The following SAMD12 variants were observed in gnomAD, a reference collection of about 807,000 sequenced individuals.
The protein encoded by SAMD12 is sterile alpha motif domain containing 12, also known as sterile alpha motif domain-containing protein 12.
In SAMD12, 9 loss-of-function variants were observed where a neutral mutation model predicts 15.0. That is an observed-to-expected ratio of 0.60 (90% CI 0.36 to 1.05). The LOEUF (loss-of-function observed/expected upper bound fraction) is 1.05. Ranked by LOEUF, SAMD12 falls within the 50% of genes least tolerant of loss-of-function variation. The probability of loss-of-function intolerance (pLI) is 0.01; values close to 1 mark genes in which losing one functional copy is unlikely to be tolerated. For missense variants in SAMD12, 230 were observed against 234.2 expected (o/e 0.98, Z 0.12); for synonymous variants, 86 against 90.1 (o/e 0.96, Z 0.25).
chr8:118,481,897 C>T (rs531880679), intron 2 of SAMD12, among the ~76,000 whole-genome samples: 19 of 152,322 alleles, frequency 1.2e-4, no homozygotes, highest in African/African-American at 4.6e-4. Context: ...CACAGAAGCA[C>T]TTACTCTGAG....
At chr8:118,384,840 A>G (rs961497344) in intron 3 of SAMD12, among the ~76,000 whole-genome samples, 7 of 152,156 alleles carry the variant, frequency 4.6e-5, no homozygotes, top group Non-Finnish European at 8.8e-5. Flanking sequence ...GGGTAAGGTA[A>G]GCATAGGCAT....
At chr8:118,366,959 T>C (rs1818836192) in intron 4 of SAMD12, among the ~76,000 whole-genome samples, 1 of 150,558 alleles carries the variant, frequency 6.6e-6, no homozygotes, top group African/African-American at 2.4e-5. Flanking sequence ...ATGGAAGTAT[T>C]ATTTCAGAGA....
At chr8:118,142,064 T>C in the SAMD12 span, among the ~76,000 whole-genome samples, 2 of 152,184 alleles carry the variant, frequency 1.3e-5, no homozygotes, top group Admixed American at 6.6e-5. Context: ...AACTAGAGAT[T>C]CTCACTACAT....
chr8:118,283,363 A>G (rs548145401), intron 4 of SAMD12, among the ~76,000 whole-genome samples: 3 of 152,334 alleles, frequency 2.0e-5, no homozygotes, highest in African/African-American at 7.2e-5. Flanking sequence ...TGCATGAGAT[A>G]TAAAACCCAA....
intron 2 of SAMD12, among the ~76,000 whole-genome samples, chr8:118,476,827 T>A (rs532776630): frequency 6.6e-6 from 1 of 152,170 alleles, no homozygotes; most frequent in Non-Finnish European, 1.5e-5. Context: ...ACCTTAATGC[T>A]CAGAAAACGG....
chr8:118,341,937 T>C (rs1162074781), intron 4 of SAMD12, among the ~76,000 whole-genome samples: 2 of 152,256 alleles, frequency 1.3e-5, no homozygotes, highest in African/African-American at 2.4e-5. Flanking sequence ...TTCACAGAAA[T>C]GGCCCATGCC....
intron 2 of SAMD12, among the ~76,000 whole-genome samples, chr8:118,519,907 A>T (rs1825344048): frequency 6.6e-6 from 1 of 152,240 alleles, no homozygotes; most frequent in South Asian, 2.1e-4. Context: ...AAGCTATAAG[A>T]GTACCTTTAA....
At chr8:118,301,604 CA>C (rs1815028407) in intron 4 of SAMD12, among the ~76,000 whole-genome samples, 1 of 152,216 alleles carries the variant, frequency 6.6e-6, no homozygotes, top group Admixed American at 6.5e-5. Context: ...TAAATGTATG[CA>C]TAGGCAAACT....
intron 1 of SAMD12, among the ~76,000 whole-genome samples, chr8:118,602,126 C>T (rs1827877793): frequency 6.6e-6 from 1 of 152,150 alleles, no homozygotes; most frequent in Non-Finnish European, 1.5e-5. Flanking sequence ...TACCTCCTAA[C>T]TGCCAAATAG....
intron 3 of SAMD12, among the ~76,000 whole-genome samples, chr8:118,431,300 T>C (rs558029702): frequency 5.3e-5 from 8 of 152,290 alleles, no homozygotes; most frequent in African/African-American, 1.9e-4. Flanking sequence ...AAAAAAGGAA[T>C]TTATTTTACC....
intron 2 of SAMD12, among the ~76,000 whole-genome samples, chr8:118,531,957 A>G (rs886453536): frequency 6.6e-6 from 1 of 152,130 alleles, no homozygotes; most frequent in Non-Finnish European, 1.5e-5. Context: ...AGAACTTCCA[A>G]CACTATGTTG....
chr8:118,140,096 C>T, the SAMD12 span, among the ~76,000 whole-genome samples: 1 of 152,182 alleles, frequency 6.6e-6, no homozygotes, highest in South Asian at 2.1e-4. Context: ...AGAATGGTCC[C>T]TCCCTTATTC....
chr8:118,606,648 T>C (rs996205849), intron 1 of SAMD12, among the ~76,000 whole-genome samples: 1 of 151,792 alleles, frequency 6.6e-6, no homozygotes, highest in African/African-American at 2.4e-5. Flanking sequence ...GCAGGATTCA[T>C]AAGGCAGCAT....
intron 3 of SAMD12, among the ~76,000 whole-genome samples, chr8:118,397,985 C>T (rs2130777735): frequency 6.6e-6 from 1 of 152,276 alleles, no homozygotes; most frequent in African/African-American, 2.4e-5. Context: ...GACAGGGTTT[C>T]ACCATGTTGC....
At chr8:118,479,266 A>T (rs73315379) in intron 2 of SAMD12, among the ~76,000 whole-genome samples, 4,646 of 151,766 alleles carry the variant, frequency 0.031, 192 homozygotes, top group African/African-American at 0.093. Context: ...TGTTCCCCCC[A>T]CACCTGGATC....
At chr8:118,364,204 TAG>T (rs1818650481) in intron 4 of SAMD12, among the ~76,000 whole-genome samples, 1 of 152,194 alleles carries the variant, frequency 6.6e-6, no homozygotes, top group African/African-American at 2.4e-5. Flanking sequence ...CAGGAAATTG[TAG>T]AGTCTCTGTG....
rs769118770 is a variant in SAMD12, at chr8:118,379,574, T to C, written c.449A>G (p.Gln150Arg). 7 of 1,613,856 alleles carry C rather than the reference T, an allele frequency of 4.3e-6. No individual in the cohort carries two copies. Among genetic ancestry groups the C allele is most frequent in the East Asian group, 2.2e-5 (1 of 44,872 alleles). Residue 150 changes from glutamine to arginine, a missense_variant, in exon 4 of 4, where the codon CAG (glutamine) becomes CGG (arginine). Transcript: ENST00000314727. ...CAATAGGGTACCTTGTGTGAGTAACTGTAGATTTCTGACTTCTTCTCGCAC... is the reference window on the plus strand; with the variant it reads ...CAATAGGGTACCTTGTGTGAGTAACCGTAGATTTCTGACTTCTTCTCGCAC... ...LKVREEVRNL[Q>R]LLTQGTLLLP...
intron 2 of SAMD12, among the ~76,000 whole-genome samples, chr8:118,449,415 G>A (rs1383975626): frequency 2.0e-5 from 3 of 151,912 alleles, no homozygotes; most frequent in East Asian, 3.9e-4. Context: ...ATTGTGAGAT[G>A]GTGTTAGGTA....
At chr8:118,520,685 GAGACTCAT>G (rs1825365164) in intron 2 of SAMD12, among the ~76,000 whole-genome samples, 1 of 152,162 alleles carries the variant, frequency 6.6e-6, no homozygotes, top group African/African-American at 2.4e-5. Flanking sequence ...TCTCTTCTGG[GAGACTCAT>G]CAATAAGATG....
Sources: allele counts gnomAD v4.1 joint callset (sites outside exome capture counted in the v4.1 genomes callset), GRCh38; gene constraint gnomAD v4.1.1; transcripts MANE v1.5; gene names NCBI Gene and HGNC (gene_info 2026-07-23, HGNC 2026-07-21).